MYO7A: variants seen among roughly 807,000 people sequenced by gnomAD.
MYO7A encodes the protein unconventional myosin-VIIa.
A neutral mutation model predicts 263.8 loss-of-function variants in MYO7A; 210 were observed. The ratio of observed to expected loss-of-function variants is 0.80; its 90% CI spans 0.71 to 0.89. MYO7A has a LOEUF of 0.89. Among genes scored for constraint, MYO7A ranks in the 40% least tolerant of loss-of-function variants. The probability of loss-of-function intolerance (pLI) is 0.00; values close to 1 mark genes in which losing one functional copy is unlikely to be tolerated. For synonymous variants in MYO7A, 1,239 were observed against 1,197.3 expected, an observed-to-expected ratio of 1.03 and a Z score of -0.72; for missense variants, 2,820 against 2,968.3, an observed-to-expected ratio of 0.95 and a Z score of 1.16.
chr11:77,194,245 A>G (rs2135615140), intron 31 of MYO7A, 109 bp from the exon 32 acceptor site: 2 of 1,299,654 alleles, frequency 1.5e-6, no homozygotes, highest in Non-Finnish European at 2.2e-6. Flanking sequence ...CCAGGCTCTG[A>G]GAGCTACAGG....
In MYO7A at chr11:77,203,943, A is replaced by G. The variant is rs556385633; in HGVS notation, c.5327-133A>G. 1.2e-5 allele frequency: 12 copies of G among 1,014,170 alleles called. No homozygotes were observed. In the African/African-American group the frequency reaches 1.8e-4, roughly 15 times the overall value. 62.8% of individuals were successfully genotyped at this position (1,014,170 alleles called of 1,614,324 possible). ...AGAGAGGGTGGGGCAGATCATGCCC[A>G]TTTTGTGAGTGTGCAGCCTGAGGGC... On this transcript the variant is annotated intron_variant, in intron 38 of 48. Transcript: ENST00000409709.
At chr11:77,164,796 C>T (rs1159768397) in intron 14 of MYO7A, among the ~76,000 whole-genome samples, 2 of 152,114 alleles carry the variant, frequency 1.3e-5, no homozygotes, top group Admixed American at 6.6e-5. Context: ...AACTATAGAA[C>T]GCCAGGTCTG....
rs1957975080 is a variant in MYO7A, at chr11:77,213,005, T to G, written c.6408T>G (p.Tyr2136Ter). The G allele has an allele frequency of 6.3e-7, 1 of 1,590,930 alleles. No individual in the cohort carries two copies. The highest frequency in any genetic ancestry group is 1.2e-5 in the South Asian group (1 of 86,872). ...PEILLIAINK[Y>*]GVSLIDPKTK... ...TCCTCCTAATTGCCATCAACAAGTATGGGGTCAGCCTCATCGATCCCAAAA... is the reference window on the plus strand; with the variant it reads ...TCCTCCTAATTGCCATCAACAAGTAGGGGGTCAGCCTCATCGATCCCAAAA... Residue 2136 changes from tyrosine (Y) to a stop codon, truncating the protein, a stop_gained, in exon 47 of 49, where the codon TAT (tyrosine) becomes TAG (stop). Transcript: ENST00000409709. LOFTEE classifies it high-confidence loss of function.
In MYO7A at chr11:77,182,585, G is replaced by A. The variant is rs370305347; in HGVS notation, c.3270G>A (p.Leu1090=). The change falls in exon 25 of 49, where the codon CTG becomes CTA. Residue 1090 remains leucine, a synonymous_variant. Coordinates refer to ENST00000409709, the MANE Select transcript of MYO7A (RefSeq NM_000260.4). ...KKTYKRELQA[L]QGEGEAQLPE... ...CGTACAAGAGGGAGCTGCAGGCCCT[G>A]CAGGGCGAGGGCGAGGTGAGGCCAA... is the stretch of plus-strand genomic sequence containing the variant. 3.2e-5 allele frequency: 51 copies of A among 1,612,988 alleles called. No individual in the cohort carries two copies. The highest frequency in any genetic ancestry group is 4.0e-5 in the African/African-American group (3 of 75,066).
intron 22 of MYO7A, 78 bp from the exon 23 acceptor site, chr11:77,181,302 C>T: frequency 7.4e-7 from 1 of 1,357,514 alleles, no homozygotes; most frequent in Non-Finnish European, 9.9e-7. Flanking sequence ...TGCAGGGGCT[C>T]CCCAGGGAGA....
At chr11:77,209,874 G>T (rs934839024) in intron 44 of MYO7A, among the ~76,000 whole-genome samples, 1 of 151,938 alleles carries the variant, frequency 6.6e-6, no homozygotes, top group African/African-American at 2.4e-5. Context: ...CGTCCTGGCC[G>T]TGGCCCTGCC....
chr11:77,206,034 C>G, intron 40 of MYO7A, 63 bp from the exon 41 acceptor site: 1 of 1,317,812 alleles, frequency 7.6e-7, no homozygotes, highest in Non-Finnish European at 1.1e-6. Flanking sequence ...CTCCAAGTGT[C>G]CCGGTCCCCT....
chr11:77,153,865 G>A (rs527797779), intron 4 of MYO7A, among the ~76,000 whole-genome samples: 46 of 152,312 alleles, frequency 3.0e-4, no homozygotes, highest in African/African-American at 1.0e-3. Flanking sequence ...GCCTCCCCGT[G>A]TGTCTCAGTA....
intron 30 of MYO7A, among the ~76,000 whole-genome samples, chr11:77,191,702 C>G: frequency 6.6e-6 from 1 of 152,202 alleles, no homozygotes; most frequent in East Asian, 1.9e-4. Flanking sequence ...GAGGGGCCCC[C>G]GCCCACAAGC....
At chr11:77,148,120 C>T (rs1239879064) in intron 4 of MYO7A, among the ~76,000 whole-genome samples, 170 bp downstream of exon 4, 2 of 152,188 alleles carry the variant, frequency 1.3e-5, no homozygotes, top group African/African-American at 4.8e-5. Context: ...GCCCATCTGC[C>T]GGCAGCCGCT....
At position 77,181,986 on chromosome 11, in the gene MYO7A, G is replaced by A; in HGVS notation, c.2940G>A (p.Glu980=). ...LERGRREMVE[E]DLDAALPLPD... ...GAGGGCGGAGGGAGATGGTGGAGGAGGACCTGGATGCAGCCCTGCCCCTGC... is the reference window on the plus strand; with the variant it reads ...GAGGGCGGAGGGAGATGGTGGAGGAAGACCTGGATGCAGCCCTGCCCCTGC... The change falls in exon 24 of 49, where the codon GAG becomes GAA. Residue 980 remains glutamate, a synonymous_variant. Coordinates refer to ENST00000409709, the MANE Select transcript of MYO7A (RefSeq NM_000260.4). The A allele has an allele frequency of 6.2e-7, 1 of 1,613,256 alleles. No homozygotes were observed. Among genetic ancestry groups the A allele is most frequent in the Non-Finnish European group, 8.5e-7 (1 of 1,179,762 alleles).
rs749881235 is a variant in MYO7A, at chr11:77,194,360, G to A, written c.4159G>A (p.Asp1387Asn). The change falls in exon 32 of 49, where the codon GAC becomes AAC. Residue 1387 changes from aspartate (D) to asparagine (N), a missense_variant. Coordinates refer to ENST00000409709, the MANE Select transcript of MYO7A (RefSeq NM_000260.4). ...GAGGCCTCCCCCCACCTAGGAGGAC[G>A]ACCTGGCTGAGCTGGCCTCCCAGCA... ...FGEYRCEKED[D>N]LAELASQQYF... The A allele has an allele frequency of 1.1e-5, 18 of 1,611,458 alleles. No homozygotes were observed. The highest frequency in any genetic ancestry group is 4.0e-5 in the African/African-American group (3 of 74,894).
intron 27 of MYO7A, among the ~76,000 whole-genome samples, chr11:77,185,452 G>A (rs539669310): frequency 6.6e-6 from 1 of 152,310 alleles, no homozygotes; most frequent in African/African-American, 2.4e-5. Context: ...TCCATCTCAA[G>A]AAACCACTTT....
At chr11:77,203,957 C>A in intron 38 of MYO7A, 119 bp from the exon 39 acceptor site, 2 of 1,149,188 alleles carry the variant, frequency 1.7e-6, no homozygotes, top group Non-Finnish European at 2.4e-6. Flanking sequence ...TGTGAGTGTG[C>A]AGCCTGAGGG....
chr11:77,196,436 T>G (rs1367052282), intron 32 of MYO7A, among the ~76,000 whole-genome samples: 2 of 151,782 alleles, frequency 1.3e-5, no homozygotes, highest in Admixed American at 1.3e-4. Flanking sequence ...AGGACTTTAA[T>G]ACGCAAATAT....
chr11:77,153,969 G>T (rs149027126), intron 4 of MYO7A, among the ~76,000 whole-genome samples: 79 of 152,322 alleles, frequency 5.2e-4, no homozygotes, highest in Middle Eastern at 3.4e-3. Context: ...AGAAAGTTTA[G>T]CTGGGCATGG....
At chr11:77,214,163 TG>T (rs1958026573) in intron 48 of MYO7A, among the ~76,000 whole-genome samples, 184 bp downstream of exon 48, 2 of 152,178 alleles carry the variant, frequency 1.3e-5, no homozygotes, top group South Asian at 4.1e-4. Flanking sequence ...GGACTTAATC[TG>T]GGGCTGAGGA....
intron 2 of MYO7A, among the ~76,000 whole-genome samples, chr11:77,130,940 G>C (rs1337267587): frequency 3.3e-5 from 5 of 152,356 alleles, no homozygotes; most frequent in Admixed American, 6.5e-5. Flanking sequence ...CCCAGGTGTG[G>C]GAAGGTCCCT....
In MYO7A at chr11:77,214,711, G is replaced by GT; in HGVS notation, c.*16dup. On this transcript the variant is annotated 3_prime_UTR_variant, in exon 49 of 49. Coordinates refer to ENST00000409709, the MANE Select transcript of MYO7A (RefSeq NM_000260.4). ...GCGGCAAGTGAACAGTCACGGGGAG[G>GT]TGCTGGTTCCATGCCTGCTCTCGAG... 1 of 1,551,312 alleles carries GT rather than the reference G, an allele frequency of 6.4e-7. No homozygotes were observed. Among genetic ancestry groups the GT allele is most frequent in the Non-Finnish European group, 8.7e-7 (1 of 1,143,752 alleles).
Sources: gnomAD v4.1 joint callset for allele counts (sites outside exome capture counted in the v4.1 genomes callset) on GRCh38, gnomAD v4.1.1 for gene constraint, MANE v1.5 for transcripts, NCBI Gene and HGNC (gene_info 2026-07-23, HGNC 2026-07-21) for gene names.